The following PCDH11X variants were observed in gnomAD, a reference collection of about 807,000 sequenced individuals.
The protein encoded by PCDH11X is protocadherin-11 X-linked.
A neutral mutation model predicts 53.3 loss-of-function variants in PCDH11X; 18 were observed. The ratio of observed to expected loss-of-function variants is 0.34; its 90% CI spans 0.23 to 0.50. The LOEUF (loss-of-function observed/expected upper bound fraction) is 0.50, where lower values mean the gene tolerates loss of function less well. Among genes scored for constraint, PCDH11X ranks in the 20% least tolerant of loss-of-function variants. The pLI, the probability that PCDH11X is intolerant of heterozygous loss-of-function variation, is 0.98. For synonymous variants in PCDH11X, 279 were observed against 393.3 expected (o/e 0.71, Z 3.44); for missense variants, 570 against 1,032.4 (o/e 0.55, Z 6.14).
chrX:92,484,209 A>ATATATATGTATATATG (rs1272455500), intron 10 of PCDH11X, among the ~76,000 whole-genome samples: 12 of 73,187 alleles, frequency 1.6e-4, no homozygotes, highest in African/African-American at 2.3e-4. Flanking sequence ...GTATATATGT[A>ATATATATGTATATATG]TATATATGTA....
At chrX:92,334,864 A>G (rs1319212770) in intron 8 of PCDH11X, among the ~76,000 whole-genome samples, 1 of 110,314 alleles carries the variant, frequency 9.1e-6, no homozygotes, top group East Asian at 2.9e-4. Context: ...AGTACATATA[A>G]CATACAAAAT....
At chrX:92,403,447 A>T (rs184695401) in intron 9 of PCDH11X, among the ~76,000 whole-genome samples, 2 of 104,044 alleles carry the variant, frequency 1.9e-5, no homozygotes. Flanking sequence ...CAAGTTGTAA[A>T]TATCTCGTTT....
intron 8 of PCDH11X, among the ~76,000 whole-genome samples, chrX:92,325,741 C>T (rs1240105443): frequency 9.0e-6 from 1 of 110,809 alleles, no homozygotes; most frequent in Non-Finnish European, 1.9e-5. Flanking sequence ...GCCTCCAATA[C>T]ACCCCTTAAT....
intron 9 of PCDH11X, among the ~76,000 whole-genome samples, chrX:92,419,027 T>A (rs1363199461): frequency 3.5e-5 from 2 of 56,851 alleles, no homozygotes; most frequent in African/African-American, 4.2e-5. Flanking sequence ...GTATTGGGGT[T>A]TTTTTTTTTT....
At chrX:92,469,402 T>G (rs2073216995) in intron 10 of PCDH11X, among the ~76,000 whole-genome samples, 1 of 111,507 alleles carries the variant, frequency 9.0e-6, no homozygotes, top group Admixed American at 9.6e-5. Context: ...AATAATGAAA[T>G]GTGATCTCAT....
At chrX:92,303,993 G>T (rs1390960921) in intron 8 of PCDH11X, among the ~76,000 whole-genome samples, 1 of 110,247 alleles carries the variant, frequency 9.1e-6, no homozygotes, top group African/African-American at 3.3e-5. Flanking sequence ...TACCAGTGGA[G>T]TGGGAAATTC....
At chrX:91,987,195 C>T (rs2062240620) in intron 6 of PCDH11X, among the ~76,000 whole-genome samples, 1 of 111,369 alleles carries the variant, frequency 9.0e-6, no homozygotes, top group Non-Finnish European at 1.9e-5. Context: ...AGAGATTCTC[C>T]TGCCTCAGCG....
intron 6 of PCDH11X, among the ~76,000 whole-genome samples, chrX:91,961,910 T>A (rs915485094): frequency 4.5e-5 from 5 of 110,951 alleles, no homozygotes; most frequent in African/African-American, 1.6e-4. Flanking sequence ...AAAGCCCTTA[T>A]AAAACCATCA....
At chrX:92,495,526 GA>G (rs1391594492) in intron 10 of PCDH11X, among the ~76,000 whole-genome samples, 12 of 109,578 alleles carry the variant, frequency 1.1e-4, no homozygotes, top group Non-Finnish European at 1.9e-5. Flanking sequence ...GTATTTTAAC[GA>G]GTTTATTGAG....
intron 6 of PCDH11X, among the ~76,000 whole-genome samples, chrX:92,061,246 A>G (rs750755757): frequency 1.8e-5 from 2 of 111,477 alleles, no homozygotes; most frequent in Admixed American, 1.9e-4. Context: ...TGTCAGATGC[A>G]TACTTTGAAA....
chrX:92,432,561 G>A (rs2072273344), intron 9 of PCDH11X, among the ~76,000 whole-genome samples: 1 of 109,818 alleles, frequency 9.1e-6, no homozygotes, highest in Non-Finnish European at 1.9e-5. Context: ...TCAAGTAGGA[G>A]TTGAGTAAAT....
intron 8 of PCDH11X, among the ~76,000 whole-genome samples, chrX:92,327,873 C>T (rs1460775695): frequency 6.1e-5 from 6 of 98,818 alleles, no homozygotes; most frequent in Non-Finnish European, 8.1e-5. Flanking sequence ...TGAGACATAA[C>T]TTACATGATC....
intron 10 of PCDH11X, among the ~76,000 whole-genome samples, chrX:92,546,406 A>G (rs1161999883): frequency 8.9e-6 from 1 of 111,887 alleles, no homozygotes; most frequent in African/African-American, 3.3e-5. Context: ...GACATACATG[A>G]AAGACGAGTC....
intron 9 of PCDH11X, among the ~76,000 whole-genome samples, chrX:92,410,079 G>A (rs1444009189): frequency 9.1e-6 from 1 of 110,339 alleles, no homozygotes; most frequent in Non-Finnish European, 1.9e-5. Flanking sequence ...TGTCTCTGTG[G>A]GAATAAAGAT....
chrX:92,032,222 G>A (rs2063062379), intron 6 of PCDH11X, among the ~76,000 whole-genome samples: 1 of 109,582 alleles, frequency 9.1e-6, no homozygotes, highest in South Asian at 4.0e-4. Flanking sequence ...TTAATTCCTC[G>A]GTATTCATTT....
chrX:92,469,291 T>C (rs1408518393), intron 10 of PCDH11X, among the ~76,000 whole-genome samples: 1 of 110,294 alleles, frequency 9.1e-6, no homozygotes, highest in Non-Finnish European at 1.9e-5. Context: ...GTATTTTAAA[T>C]GTAAAATGTT....
chrX:92,130,885 C>T (rs969959489), intron 6 of PCDH11X, among the ~76,000 whole-genome samples: 2 of 109,383 alleles, frequency 1.8e-5, no homozygotes, highest in African/African-American at 6.6e-5. Flanking sequence ...GGTACAACGA[C>T]CTAGAAAAAG....
chrX:92,243,473 C>G (rs1024593837), intron 7 of PCDH11X, among the ~76,000 whole-genome samples: 2 of 110,737 alleles, frequency 1.8e-5, no homozygotes, highest in African/African-American at 6.6e-5. Context: ...TTTCTATTCC[C>G]TTGTCAGTAC....
intron 1 of PCDH11X, among the ~76,000 whole-genome samples, chrX:91,792,363 T>C (rs1935584880): frequency 9.0e-6 from 1 of 111,461 alleles, no homozygotes; most frequent in Non-Finnish European, 1.9e-5. Context: ...TTCAGTTTCA[T>C]AACTTTAAGT....
Sources: gnomAD v4.1 joint callset for allele counts (sites outside exome capture counted in the v4.1 genomes callset) on GRCh38, gnomAD v4.1.1 for gene constraint, MANE v1.5 for transcripts, NCBI Gene and HGNC (gene_info 2026-07-23, HGNC 2026-07-21) for gene names.